ARHGEF3: variants seen among roughly 807,000 people sequenced by gnomAD.
The protein encoded by ARHGEF3 is Rho guanine nucleotide exchange factor 3.
Under a neutral mutation model 63.2 loss-of-function variants are expected in ARHGEF3, and 28 were observed. The ratio of observed to expected loss-of-function variants is 0.44; its 90% CI spans 0.33 to 0.61. The LOEUF (loss-of-function observed/expected upper bound fraction) is 0.61, where lower values mean the gene tolerates loss of function less well. ARHGEF3 is among the 20% of genes least tolerant of loss of function. The probability of loss-of-function intolerance (pLI) is 0.03; values close to 1 mark genes in which losing one functional copy is unlikely to be tolerated. For synonymous variants in ARHGEF3, 266 were observed against 254.2 expected (o/e 1.05, Z -0.44); for missense variants, 533 against 659.3 (o/e 0.81, Z 2.10).
chr3:56,927,247 A>C (rs1454862459), intron 3 of ARHGEF3, among the ~76,000 whole-genome samples: 1 of 152,234 alleles, frequency 6.6e-6, no homozygotes, highest in Non-Finnish European at 1.5e-5. Flanking sequence ...ATCATTGAGC[A>C]TAGTGCCTGG....
At chr3:56,933,055 G>A (rs1015095025) in intron 3 of ARHGEF3, among the ~76,000 whole-genome samples, 8 of 152,096 alleles carry the variant, frequency 5.3e-5, no homozygotes, top group East Asian at 1.9e-4. Context: ...ACCAGTCTGC[G>A]GCAGTACACA....
intron 4 of ARHGEF3, among the ~76,000 whole-genome samples, chr3:56,810,462 G>T (rs1470376753): frequency 6.6e-6 from 1 of 152,126 alleles, no homozygotes; most frequent in Non-Finnish European, 1.5e-5. Context: ...GGAAGCAGAG[G>T]TTGCAGTGAG....
intron 1 of ARHGEF3, among the ~76,000 whole-genome samples, chr3:56,798,435 A>C (rs2037474349): frequency 6.6e-6 from 1 of 152,216 alleles, no homozygotes; most frequent in African/African-American, 2.4e-5. Context: ...ATTTTGATTA[A>C]AAATGAACTG....
At chr3:56,899,935 A>G (rs1304440884) in intron 3 of ARHGEF3, among the ~76,000 whole-genome samples, 1 of 152,240 alleles carries the variant, frequency 6.6e-6, no homozygotes, top group Non-Finnish European at 1.5e-5. Context: ...CTTTAGCCAC[A>G]GGAAATGGGA....
intron 1 of ARHGEF3, among the ~76,000 whole-genome samples, chr3:56,788,357 A>T (rs2107906264): frequency 6.6e-6 from 1 of 152,190 alleles, no homozygotes; most frequent in Admixed American, 6.5e-5. Flanking sequence ...GTTGTTAATG[A>T]CTTGGTCAAA....
rs577309547 is a variant in ARHGEF3, at chr3:56,782,696, G to A, written c.97-8880C>T. ...GTTTGTTTTGTTTTTGTTAATGAGG[G>A]AACAGGGACAGCCTGGATAACTAAA... is the stretch of plus-strand genomic sequence containing the variant. On this transcript the variant is annotated intron_variant, in intron 1 of 9. Transcript: ENST00000296315. Among the ~76,000 whole-genome samples the A allele has an allele frequency of 1.3e-4, 20 of 149,892 alleles. 2 individuals carry two copies. The South Asian group carries it at 4.2e-3, about 32-fold the overall frequency.
At chr3:57,014,887 G>A (rs1010889130) in intron 2 of ARHGEF3, among the ~76,000 whole-genome samples, 6 of 151,978 alleles carry the variant, frequency 3.9e-5, no homozygotes, top group East Asian at 1.9e-4. Flanking sequence ...GGGTTTCACC[G>A]TGTTAGCCAG....
At chr3:56,978,057 G>T (rs1701190222) in intron 2 of ARHGEF3, among the ~76,000 whole-genome samples, 1 of 152,172 alleles carries the variant, frequency 6.6e-6, no homozygotes, top group Admixed American at 6.5e-5. Context: ...GCTGAGCACA[G>T]GGAGACATGC....
intron 3 of ARHGEF3, among the ~76,000 whole-genome samples, chr3:56,932,262 C>T (rs1416660039): frequency 3.3e-5 from 5 of 152,080 alleles, no homozygotes; most frequent in African/African-American, 1.2e-4. Context: ...AATACATGCA[C>T]CCCATAGAAA....
At chr3:57,014,029 G>A (rs971215174) in intron 2 of ARHGEF3, among the ~76,000 whole-genome samples, 2 of 152,184 alleles carry the variant, frequency 1.3e-5, no homozygotes, top group Non-Finnish European at 2.9e-5. Context: ...TTTATGAGCT[G>A]TAACACTCAC....
intron 2 of ARHGEF3, among the ~76,000 whole-genome samples, chr3:56,994,120 GT>G (rs1326560064): frequency 7.1e-6 from 1 of 141,504 alleles, no homozygotes; most frequent in East Asian, 2.1e-4. Flanking sequence ...ATCTAAACGT[GT>G]GTTATTTTCA....
chr3:56,868,851 T>A (rs28376542), intron 4 of ARHGEF3, among the ~76,000 whole-genome samples: 52 of 152,296 alleles, frequency 3.4e-4, no homozygotes, highest in African/African-American at 1.2e-3. Flanking sequence ...CAACCCCCAC[T>A]TGTCTGCAGA....
At chr3:56,864,325 G>C (rs943642373) in intron 4 of ARHGEF3, among the ~76,000 whole-genome samples, 1 of 152,140 alleles carries the variant, frequency 6.6e-6, no homozygotes, top group Non-Finnish European at 1.5e-5. Flanking sequence ...GTTCCATCCT[G>C]CCACAGGGCC....
rs557146742 is a variant in ARHGEF3, at chr3:56,816,672, T to A, written c.193-42856A>T. Among the ~76,000 whole-genome samples, 8 of 152,302 alleles carry A rather than the reference T, an allele frequency of 5.3e-5. No individual in the cohort carries two copies. In the South Asian group the frequency reaches 6.2e-4, roughly 12 times the overall value. ...TCAAGTAATCCTTACAACAATCCTATGAAATGAGTACTTCTATAGTAGGAG... is the reference window on the plus strand; with the variant it reads ...TCAAGTAATCCTTACAACAATCCTAAGAAATGAGTACTTCTATAGTAGGAG... On this transcript the variant is annotated intron_variant, in intron 4 of 12. Transcript: ENST00000338458.
chr3:56,791,903 C>T (rs2037095437), intron 1 of ARHGEF3, among the ~76,000 whole-genome samples: 3 of 151,690 alleles, frequency 2.0e-5, no homozygotes, highest in African/African-American at 7.3e-5. Context: ...TTGTCCAGCT[C>T]CCTCAGCTAA....
At chr3:56,944,665 C>T (rs975571172) in intron 3 of ARHGEF3, among the ~76,000 whole-genome samples, 3 of 146,178 alleles carry the variant, frequency 2.1e-5, no homozygotes, top group African/African-American at 7.5e-5. Flanking sequence ...CAACCTCTGC[C>T]TCCCGGGTAC....
At chr3:57,062,812 A>C (rs1400550563) in intron 1 of ARHGEF3, among the ~76,000 whole-genome samples, 1 of 152,154 alleles carries the variant, frequency 6.6e-6, no homozygotes, top group Admixed American at 6.5e-5. Context: ...GAAGAATCAA[A>C]TGGCTTTTAA....
At chr3:57,028,857 C>G (rs2107197006) in intron 2 of ARHGEF3, among the ~76,000 whole-genome samples, 1 of 152,112 alleles carries the variant, frequency 6.6e-6, no homozygotes, top group African/African-American at 2.4e-5. Flanking sequence ...TTATAATTTG[C>G]TGTGTAGAGG....
At chr3:56,909,616 A>G (rs1037206428) in intron 3 of ARHGEF3, among the ~76,000 whole-genome samples, 1 of 152,266 alleles carries the variant, frequency 6.6e-6, no homozygotes, top group African/African-American at 2.4e-5. Context: ...ACTGATCACT[A>G]GTCAGCACTC....
Sources: allele counts gnomAD v4.1 joint callset (sites outside exome capture counted in the v4.1 genomes callset), GRCh38; gene constraint gnomAD v4.1.1; transcripts MANE v1.5; gene names NCBI Gene and HGNC (gene_info 2026-07-23, HGNC 2026-07-21).